Variants in MICAL3 observed in about 807,000 individuals in gnomAD.
MICAL3 encodes the protein [F-actin]-monooxygenase MICAL3.
A neutral mutation model predicts 207.4 loss-of-function variants in MICAL3; 62 were observed. The observed-to-expected ratio is 0.30, with a 90% CI of 0.24 to 0.37. The LOEUF is 0.37. Ranked by LOEUF, MICAL3 falls within the 10% of genes least tolerant of loss-of-function variation. The probability of loss-of-function intolerance (pLI) is 1.00; values close to 1 mark genes in which losing one functional copy is unlikely to be tolerated. For synonymous variants in MICAL3, 1,077 were observed against 1,069.3 expected (o/e 1.01, Z -0.14); for missense variants, 2,368 against 2,635.6 (o/e 0.90, Z 2.22).
At chr22:17,876,702 A>AT (rs1221114376) in intron 16 of MICAL3, 2 of 151,828 alleles carry the variant, frequency 1.3e-5, no homozygotes, top group Non-Finnish European at 2.9e-5. Context: ...ATGCAGGGTT[A>AT]TGGAGGTTAG....
chr22:17,991,913 C>T (rs1406988912), intron 1 of MICAL3, among the ~76,000 whole-genome samples: 9 of 152,118 alleles, frequency 5.9e-5, no homozygotes, highest in Admixed American at 4.6e-4. Context: ...CAACCAGCTT[C>T]GAGGCCGTGG....
chr22:17,791,522 C>T (rs932024517), intron 29 of MICAL3: 4 of 574,828 alleles, frequency 7.0e-6, no homozygotes, highest in South Asian at 2.0e-5. Flanking sequence ...ACCCCGTCAG[C>T]GACCTCGCCA....
At chr22:17,827,601 T>TG (rs1569083417) in intron 22 of MICAL3, 43 bp downstream of exon 22, 1 of 1,508,336 alleles carries the variant, frequency 6.6e-7, no homozygotes, top group Admixed American at 2.0e-5. Context: ...AGCAGGCGGG[T>TG]GGTGCTCGGG....
Position 17,896,839 on chromosome 22 carries a change from G to A in MICAL3, c.1091C>T (p.Pro364Leu), listed in dbSNP as rs1012195240. Residue 364 changes from proline (P) to leucine (L), a missense_variant, in exon 8 of 32, where the codon CCC becomes CTC. Around this residue, in one of 4 missense-constraint regions of MICAL3, gnomAD observed 400 missense variants for 547.0 expected, o/e 0.73. Coordinates refer to ENST00000441493, the MANE Select transcript of MICAL3 (RefSeq NM_015241.3). The part of the protein sequence containing the change: ...LDFAINHYGQ[P>L]DVAMFDFTCM... ...AGTGAAGTCAAACATGGCCACATCG[G>A]GCTGCCCATAGTGATTGATGGCAAA... is the stretch of plus-strand genomic sequence containing the variant. 3.1e-6 allele frequency: 5 copies of A among 1,614,020 alleles called. No individual in the cohort carries two copies. The Admixed American group carries it at 5.0e-5, about 16-fold the overall frequency.
intron 1 of MICAL3, among the ~76,000 whole-genome samples, chr22:17,966,158 C>T (rs73390519): frequency 0.028 from 4,250 of 152,238 alleles, 167 homozygotes; most frequent in African/African-American, 0.084. Flanking sequence ...CAACCACACA[C>T]GTTTCCTTAT....
chr22:17,928,192 C>A (rs1933012941), intron 1 of MICAL3, among the ~76,000 whole-genome samples: 1 of 152,158 alleles, frequency 6.6e-6, no homozygotes, highest in Non-Finnish European at 1.5e-5. Context: ...GTAATCCCAG[C>A]ACTTTGGGAG....
At position 17,902,207 on chromosome 22, in the gene MICAL3, T is replaced by C. The variant is rs575917801; in HGVS notation, c.590-228A>G. On this transcript the variant is annotated intron_variant, in intron 4 of 31. Coordinates refer to ENST00000441493, the MANE Select transcript of MICAL3 (RefSeq NM_015241.3). This position sits in a 1 kb window ranked among gnomAD's most constrained non-coding sequence, Gnocchi z 4.5. Reference sequence around the variant, plus strand: ...TGAGGCCAGGAGTTCGAGACCACCCTGGCCAGCATGGTGAAACCCTGTCTC... The same window carrying C: ...TGAGGCCAGGAGTTCGAGACCACCCCGGCCAGCATGGTGAAACCCTGTCTC... Among the ~76,000 whole-genome samples, 12 of 152,196 alleles carry C rather than the reference T, an allele frequency of 7.9e-5. No homozygotes were observed. The highest frequency in any genetic ancestry group is 1.6e-4 in the Non-Finnish European group (11 of 68,040).
chr22:17,870,113 A>T (rs190573907), intron 17 of MICAL3, among the ~76,000 whole-genome samples: 1 of 152,306 alleles, frequency 6.6e-6, no homozygotes, highest in East Asian at 1.9e-4. Context: ...TATCTGGGTT[A>T]AAATTTGGGG....
chr22:17,810,856 G>T, intron 27 of MICAL3, 43 bp from the exon 28 acceptor site: 1 of 1,537,414 alleles, frequency 6.5e-7, no homozygotes, highest in Non-Finnish European at 9.0e-7. Flanking sequence ...GTGCACGGAG[G>T]CCTGGGACAG....
intron 1 of MICAL3, among the ~76,000 whole-genome samples, chr22:17,913,151 C>G (rs1465892434): frequency 6.6e-6 from 1 of 152,142 alleles, no homozygotes; most frequent in Admixed American, 6.5e-5. Context: ...CTCCTCCCCC[C>G]ACCACTGTGC....
intron 15 of MICAL3, among the ~76,000 whole-genome samples, chr22:17,886,702 G>A (rs1450351380): frequency 1.3e-5 from 2 of 151,966 alleles, no homozygotes; most frequent in Non-Finnish European, 2.9e-5. Context: ...CTACTTGGGA[G>A]GCTGAGGCAT....
chr22:17,954,881 G>A (rs1297921445), intron 1 of MICAL3, among the ~76,000 whole-genome samples: 13 of 151,702 alleles, frequency 8.6e-5, no homozygotes, highest in Admixed American at 6.6e-4. Context: ...ACACCACCAC[G>A]CCCAGCTAAT....
chr22:17,887,008 A>G (rs1175021026), intron 15 of MICAL3, among the ~76,000 whole-genome samples, 162 bp downstream of exon 15: 3 of 148,770 alleles, frequency 2.0e-5, no homozygotes, highest in South Asian at 2.1e-4. Context: ...AAAAAAAAAA[A>G]AAAAAAAAGA....
At chr22:17,990,520 G>A (rs1043083175) in intron 1 of MICAL3, among the ~76,000 whole-genome samples, 6 of 152,140 alleles carry the variant, frequency 3.9e-5, no homozygotes, top group African/African-American at 7.2e-5. Context: ...GGACTGTTAC[G>A]CCCTTCATTG....
intron 1 of MICAL3, among the ~76,000 whole-genome samples, chr22:17,988,607 A>G (rs531231449): frequency 2.0e-5 from 3 of 152,244 alleles, no homozygotes; most frequent in African/African-American, 7.2e-5. Flanking sequence ...GGCGCCTGCA[A>G]CCGCGCCCGG....
At chr22:17,852,346 G>A (rs1925426322) in intron 19 of MICAL3, among the ~76,000 whole-genome samples, 1 of 152,200 alleles carries the variant, frequency 6.6e-6, no homozygotes, top group Non-Finnish European at 1.5e-5. Flanking sequence ...GAGGGCCACT[G>A]AGGCTGGCCT....
chr22:18,020,210 T>G (rs112680200), intron 1 of MICAL3: 1 of 153,112 alleles, frequency 6.5e-6, no homozygotes, highest in Non-Finnish European at 1.5e-5. Context: ...ATGATTCTAC[T>G]GCAAAACCTG....
chr22:17,891,399 G>A, intron 12 of MICAL3, 86 bp downstream of exon 12: 2 of 1,315,940 alleles, frequency 1.5e-6, no homozygotes, highest in Non-Finnish European at 2.2e-6. Flanking sequence ...CTCATTCTAG[G>A]AAAAAGGACA....
intron 29 of MICAL3, among the ~76,000 whole-genome samples, chr22:17,799,704 C>G (rs2061916715): frequency 6.6e-6 from 1 of 152,142 alleles, no homozygotes; most frequent in African/African-American, 2.4e-5. Context: ...TCCCAGCTGG[C>G]TGGTGTGCAA....
Sources: allele counts gnomAD v4.1 joint callset (sites outside exome capture counted in the v4.1 genomes callset), GRCh38; gene constraint gnomAD v4.1.1; regional missense constraint gnomAD v4.1.1; non-coding constraint Gnocchi (gnomAD v3.1); transcripts MANE v1.5; gene names NCBI Gene and HGNC (gene_info 2026-07-23, HGNC 2026-07-21).